COL19A1: variants seen among roughly 807,000 people sequenced by gnomAD.
The protein encoded by COL19A1 is collagen alpha-1(XIX) chain.
In COL19A1, 159 loss-of-function variants were observed where a neutral mutation model predicts 190.2. The ratio of observed to expected loss-of-function variants is 0.84; its 90% CI spans 0.73 to 0.95. The LOEUF (loss-of-function observed/expected upper bound fraction) is 0.95. COL19A1 is among the 40% of genes least tolerant of loss of function. The probability of loss-of-function intolerance (pLI) is 0.00; values close to 1 mark genes in which losing one functional copy is unlikely to be tolerated. For synonymous variants in COL19A1, 509 were observed against 458.9 expected, an observed-to-expected ratio of 1.11 and a Z score of -1.39; for missense variants, 1,418 against 1,431.9, an observed-to-expected ratio of 0.99 and a Z score of 0.16.
intron 18 of COL19A1, among the ~76,000 whole-genome samples, chr6:70,133,958 T>C (rs1165115602): frequency 6.6e-6 from 1 of 152,228 alleles, no homozygotes; most frequent in African/African-American, 2.4e-5. Context: ...GTAGAGCAGC[T>C]ATGAATATAC....
At chr6:70,121,718 A>G (rs1784886679) in intron 16 of COL19A1, among the ~76,000 whole-genome samples, 162 bp from the exon 17 acceptor site, 1 of 152,226 alleles carries the variant, frequency 6.6e-6, no homozygotes, top group African/African-American at 2.4e-5. Flanking sequence ...ACCTGATGAT[A>G]AGTTAATGCC....
chr6:69,897,239 T>C (rs2149968895), intron 2 of COL19A1, among the ~76,000 whole-genome samples: 1 of 152,290 alleles, frequency 6.6e-6, no homozygotes, highest in Admixed American at 6.5e-5. Context: ...TGACCATCCA[T>C]TTCCCACTGA....
chr6:70,004,361 C>A (rs1777479800), intron 11 of COL19A1, among the ~76,000 whole-genome samples: 2 of 152,214 alleles, frequency 1.3e-5, no homozygotes, highest in African/African-American at 4.8e-5. Flanking sequence ...TGGGGTTGAT[C>A]TTCTCAAGGG....
intron 17 of COL19A1, among the ~76,000 whole-genome samples, chr6:70,122,582 G>A (rs937377393): frequency 6.6e-6 from 1 of 152,140 alleles, no homozygotes; most frequent in Non-Finnish European, 1.5e-5. Flanking sequence ...ACAAATATTT[G>A]GGGTCTGATC....
At chr6:69,963,917 A>G (rs1304791852) in intron 11 of COL19A1, among the ~76,000 whole-genome samples, 1 of 152,250 alleles carries the variant, frequency 6.6e-6, no homozygotes, top group African/African-American at 2.4e-5. Context: ...ATGCTTGGTC[A>G]TCCAAAATTT....
chr6:69,918,977 G>C (rs1771509371), intron 4 of COL19A1, among the ~76,000 whole-genome samples: 1 of 152,156 alleles, frequency 6.6e-6, no homozygotes, highest in South Asian at 2.1e-4. Context: ...ACTTAGGTAT[G>C]TAAGTCCAGA....
intron 11 of COL19A1, among the ~76,000 whole-genome samples, chr6:70,018,963 C>T (rs1191384589): frequency 1.3e-5 from 2 of 152,046 alleles, no homozygotes; most frequent in African/African-American, 4.8e-5. Context: ...CAGAAAAATC[C>T]CAGAGGCAGA....
chr6:69,955,026 A>G (rs1036805935), intron 9 of COL19A1, among the ~76,000 whole-genome samples: 15 of 152,256 alleles, frequency 9.9e-5, no homozygotes, highest in African/African-American at 3.6e-4. Flanking sequence ...CTGTATTCAG[A>G]TGTCAATCAC....
At chr6:70,165,342 T>C (rs802173) in intron 36 of COL19A1, among the ~76,000 whole-genome samples, 108,705 of 152,214 alleles carry the variant, frequency 0.71, 39,636 homozygotes, top group African/African-American at 0.87. Context: ...TAAATTGTAG[T>C]GACTATTTGC....
chr6:69,924,844 G>C (rs1284255949), intron 4 of COL19A1, among the ~76,000 whole-genome samples: 1 of 152,184 alleles, frequency 6.6e-6, no homozygotes, highest in African/African-American at 2.4e-5. Context: ...CAGTGATGAT[G>C]AGCATTTTTT....
chr6:70,009,707 A>G (rs1342690120), intron 11 of COL19A1, among the ~76,000 whole-genome samples: 1 of 138,428 alleles, frequency 7.2e-6, no homozygotes, highest in Admixed American at 6.8e-5. Flanking sequence ...CATAATGATA[A>G]TCAAGGAAGT....
intron 44 of COL19A1, among the ~76,000 whole-genome samples, chr6:70,181,537 G>T (rs931858809): frequency 4.0e-5 from 6 of 151,708 alleles, no homozygotes; most frequent in African/African-American, 1.5e-4. Flanking sequence ...AGGAGATTAT[G>T]CAAAAAGCAA....
chr6:70,077,322 T>C (rs555054459), intron 15 of COL19A1, among the ~76,000 whole-genome samples: 1 of 152,334 alleles, frequency 6.6e-6, no homozygotes, highest in East Asian at 1.9e-4. Context: ...ATCTTTTATA[T>C]GATGTACGTA....
intron 14 of COL19A1, among the ~76,000 whole-genome samples, chr6:70,039,489 G>A (rs1359801103): frequency 6.6e-6 from 1 of 152,146 alleles, no homozygotes; most frequent in Non-Finnish European, 1.5e-5. Context: ...AAGTCCAACA[G>A]TAATCCTTCT....
At chr6:70,093,627 A>G (rs1783062674) in intron 15 of COL19A1, among the ~76,000 whole-genome samples, 1 of 152,192 alleles carries the variant, frequency 6.6e-6, no homozygotes, top group Admixed American at 6.6e-5. Context: ...TGGGACATTT[A>G]CAAAATCTGA....
intron 9 of COL19A1, among the ~76,000 whole-genome samples, chr6:69,938,901 T>C (rs193198868): frequency 1.8e-3 from 278 of 152,248 alleles, no homozygotes; most frequent in Non-Finnish European, 2.7e-3. Flanking sequence ...TTGATTCTGT[T>C]TTTATTATCT....
chr6:70,078,166 A>T (rs974505505), intron 15 of COL19A1, among the ~76,000 whole-genome samples: 5 of 152,220 alleles, frequency 3.3e-5, no homozygotes, highest in Admixed American at 6.5e-5. Flanking sequence ...GAAAATAAGC[A>T]AAAACACCTA....
chr6:70,186,828 A>C (rs1766550557), intron 46 of COL19A1, among the ~76,000 whole-genome samples: 2 of 152,172 alleles, frequency 1.3e-5, no homozygotes, highest in South Asian at 4.1e-4. Context: ...CATCTAATAT[A>C]ATATTTTACT....
At chr6:69,945,750 T>C (rs920089464) in intron 9 of COL19A1, among the ~76,000 whole-genome samples, 3 of 152,050 alleles carry the variant, frequency 2.0e-5, no homozygotes, top group Non-Finnish European at 4.4e-5. Context: ...AATTTACTTG[T>C]GGGTCTTCAT....
Sources: gnomAD v4.1 joint callset for allele counts (sites outside exome capture counted in the v4.1 genomes callset) on GRCh38, gnomAD v4.1.1 for gene constraint, MANE v1.5 for transcripts, NCBI Gene and HGNC (gene_info 2026-07-23, HGNC 2026-07-21) for gene names.